ZNF236: variants seen among roughly 807,000 people sequenced by gnomAD.
ZNF236 encodes the protein regulated by glucose.
A neutral mutation model predicts 191.2 loss-of-function variants in ZNF236; 50 were observed. The ratio of observed to expected loss-of-function variants is 0.26; its 90% CI spans 0.21 to 0.33. ZNF236 has a LOEUF of 0.33. Among genes scored for constraint, ZNF236 ranks in the 10% least tolerant of loss-of-function variants. The probability of loss-of-function intolerance (pLI) is 1.00; values close to 1 mark genes in which losing one functional copy is unlikely to be tolerated. For missense variants in ZNF236, 1,754 were observed against 2,374.5 expected (o/e 0.74, Z 5.43); for synonymous variants, 907 against 928.8 (o/e 0.98, Z 0.43).
chr18:76,942,151 A>G (rs896648758), intron 26 of ZNF236, among the ~76,000 whole-genome samples: 6 of 152,248 alleles, frequency 3.9e-5, no homozygotes, highest in African/African-American at 1.4e-4. Flanking sequence ...TAAATGTCGA[A>G]TGATTTAATA....
chr18:76,928,033 C>G lies in ZNF236; in HGVS notation c.4521C>G (p.Val1507=), dbSNP rs1016958398. 1.2e-6 allele frequency: 2 copies of G among 1,614,006 alleles called. No individual in the cohort carries two copies. Among genetic ancestry groups the G allele is most frequent in the African/African-American group, 2.7e-5 (2 of 75,026 alleles). Residue 1507 remains valine (V), a synonymous_variant, in exon 25 of 31, where the codon GTC becomes GTG. Transcript: ENST00000320610. The part of the protein sequence containing the change: ...LTINNSSLSQ[V]LAQAAGPTAT... Reference sequence around the variant, plus strand: ...TTAACAACTCCAGCCTGAGCCAGGTCCTGGCACAGGCCGCTGGGCCCACTG... The same window carrying G: ...TTAACAACTCCAGCCTGAGCCAGGTGCTGGCACAGGCCGCTGGGCCCACTG...
At chr18:76,855,244 G>A (rs747902698) in intron 3 of ZNF236, among the ~76,000 whole-genome samples, 5 of 152,100 alleles carry the variant, frequency 3.3e-5, no homozygotes, top group South Asian at 2.1e-4. Context: ...CTTAAAAGCC[G>A]AAAATGTATT....
At chr18:76,932,455 C>A (rs1967881614) in intron 25 of ZNF236, among the ~76,000 whole-genome samples, 1 of 152,236 alleles carries the variant, frequency 6.6e-6, no homozygotes, top group Non-Finnish European at 1.5e-5. Flanking sequence ...AAGGATCAGG[C>A]AGTGTGTTCT....
At chr18:76,877,356 A>G (rs1463557492) in intron 6 of ZNF236, among the ~76,000 whole-genome samples, 1 of 152,032 alleles carries the variant, frequency 6.6e-6, no homozygotes, top group Non-Finnish European at 1.5e-5. Context: ...TAAAATACAA[A>G]AATTAGCTGG....
chr18:76,935,948 C>T (rs897585904), intron 25 of ZNF236: 4 of 456,378 alleles, frequency 8.8e-6, no homozygotes, highest in Non-Finnish European at 1.8e-5. Flanking sequence ...CTCGAGCCTC[C>T]CAGCCTGCTA....
At position 76,933,154 on chromosome 18, in the gene ZNF236, T is replaced by C. The variant is rs533979743; in HGVS notation, c.4595-4002T>C. On this transcript the variant is annotated intron_variant, in intron 25 of 30. Coordinates refer to ENST00000320610, the MANE Select transcript of ZNF236 (RefSeq NM_001306089.2). ...CTGATTTGCATTTTTTAAATTATTATTCTTTTAGACCTTTTTTTAAAGAGC... is the reference window on the plus strand; with the variant it reads ...CTGATTTGCATTTTTTAAATTATTACTCTTTTAGACCTTTTTTTAAAGAGC... Among the ~76,000 whole-genome samples, 8 of 152,332 alleles carry C rather than the reference T, an allele frequency of 5.3e-5. No homozygotes were observed. The South Asian group carries it at 1.7e-3, about 32-fold the overall frequency.
intron 3 of ZNF236, 71 bp from the exon 4 acceptor site, chr18:76,868,614 G>T: frequency 7.6e-7 from 1 of 1,316,820 alleles, no homozygotes. Context: ...ATTAACCGTT[G>T]ATCATACCAG....
In ZNF236 at chr18:76,908,377, C is replaced by G; in HGVS notation, c.2355C>G (p.Ser785Arg). ...AGCAGGCAGCCTCGATAGATGACAGCACTGTAGACCAGCAGAGCATGCAGG... is the reference window on the plus strand; with the variant it reads ...AGCAGGCAGCCTCGATAGATGACAGGACTGTAGACCAGCAGAGCATGCAGG... ...QHQQAASIDDSTVDQQSMQAS... is the reference protein window; with the variant it reads ...QHQQAASIDDRTVDQQSMQAS... Residue 785 changes from serine (S) to arginine (R), a missense_variant, in exon 14 of 31, where the codon AGC becomes AGG. This residue lies in a region of ZNF236 where 641 missense variants were observed against 869.6 expected (regional missense o/e 0.74). Transcript: ENST00000320610. 6.2e-7 allele frequency: 1 copy of G among 1,614,202 alleles called. No individual in the cohort carries two copies. The highest frequency in any genetic ancestry group is 1.1e-5 in the South Asian group (1 of 91,092).
intron 13 of ZNF236, among the ~76,000 whole-genome samples, chr18:76,906,672 A>C (rs932850680): frequency 5.3e-5 from 8 of 152,164 alleles, no homozygotes; most frequent in Non-Finnish European, 8.8e-5. Context: ...CAATGCTGTA[A>C]TTGCGGGGTC....
intron 5 of ZNF236, among the ~76,000 whole-genome samples, chr18:76,872,196 A>G (rs923802158): frequency 4.6e-5 from 7 of 152,200 alleles, no homozygotes; most frequent in Non-Finnish European, 5.9e-5. Flanking sequence ...CTAAATTAAC[A>G]AAGACCGGAT....
chr18:76,917,113 A>T (rs775054320), intron 19 of ZNF236, among the ~76,000 whole-genome samples: 1 of 152,208 alleles, frequency 6.6e-6, no homozygotes, highest in Non-Finnish European at 1.5e-5. Context: ...TTTAGTAGAT[A>T]ATTCTGGAAT....
rs779056757 is a variant in ZNF236 at position 76,927,976 on chromosome 18, C to A, written c.4464C>A (p.Pro1488=). 17 of 1,613,680 alleles carry A rather than the reference C, an allele frequency of 1.1e-5. No homozygotes were observed. In the South Asian group the frequency reaches 1.5e-4, roughly 15 times the overall value. Residue 1488 remains proline (P), a synonymous_variant, in exon 25 of 31, where the codon CCC becomes CCA. Coordinates refer to ENST00000320610, the MANE Select transcript of ZNF236 (RefSeq NM_001306089.2). This position sits in a 1 kb window ranked among gnomAD's most constrained non-coding sequence, Gnocchi z 5.4. ...QVMTSQGLVS[P]SGGPHEITLT... ...TGACTTCGCAAGGTCTAGTGTCCCC[C>A]TCCGGCGGTCCCCACGAGATCACCC...
Position 76,927,956 on chromosome 18 carries a change from T to G in ZNF236, c.4444T>G (p.Ser1482Ala), listed in dbSNP as rs1428776131. 10 of 1,609,974 alleles carry G rather than the reference T, an allele frequency of 6.2e-6. No individual in the cohort carries two copies. The highest frequency in any genetic ancestry group is 8.5e-6 in the Non-Finnish European group (10 of 1,178,048). ...CCAAGACCTCACTCAAGTGATGACT[T>G]CGCAAGGTCTAGTGTCCCCCTCCGG... ...GTQDLTQVMT[S>A]QGLVSPSGGP... is the part of the protein sequence containing the mutation. The change falls in exon 25 of 31, where the codon TCG becomes GCG. Residue 1482 changes from serine (S) to alanine (A), a missense_variant. This residue lies in a region of ZNF236 where 606 missense variants were observed against 761.5 expected (regional missense o/e 0.80). Transcript: ENST00000320610. This position sits in a 1 kb window ranked among gnomAD's most constrained non-coding sequence, Gnocchi z 5.4.
chr18:76,871,391 GT>G (rs1568205179), intron 4 of ZNF236, among the ~76,000 whole-genome samples: 1 of 152,146 alleles, frequency 6.6e-6, no homozygotes, highest in Non-Finnish European at 1.5e-5. Flanking sequence ...AATTATACCC[GT>G]AGCATCTTTG....
Position 76,895,398 on chromosome 18 carries a change from A to T in ZNF236, c.1690+113A>T, listed in dbSNP as rs1179287627. ...CACAGTAGGCACACAGGTACTGCAC[A>T]CAAGTACTGCTCACAGGGACTGCAC... On this transcript the variant is annotated intron_variant, in intron 10 of 30. Coordinates refer to ENST00000320610, the MANE Select transcript of ZNF236 (RefSeq NM_001306089.2). The T allele has an allele frequency of 3.6e-6, 5 of 1,402,182 alleles. No homozygotes were observed. In the Admixed American group the frequency reaches 9.7e-5, roughly 27 times the overall value. The allele number at this position is 1,402,182 out of a possible 1,614,324, so 86.9% of individuals were successfully genotyped here.
In ZNF236 at chr18:76,905,187, C is replaced by G. The variant is rs1005276797; in HGVS notation, c.2069C>G (p.Ser690Cys). ...SHTGEKPFKC[S>C]QCGRGFVSAG... ...ACAGGTGAAAAACCTTTTAAATGTT[C>G]TCAGTGTGGAAGAGGCTTTGTTTCT... is the stretch of plus-strand genomic sequence containing the variant. The change falls in exon 13 of 31, where the codon TCT becomes TGT. Residue 690 changes from serine (S) to cysteine (C), a missense_variant. Ser to Cys is a moderately radical substitution (Grantham distance 112, BLOSUM62 -1). This residue lies in a region of ZNF236 where 641 missense variants were observed against 869.6 expected (regional missense o/e 0.74). Transcript: ENST00000320610. 1 of 1,613,702 alleles carries G rather than the reference C, an allele frequency of 6.2e-7. No individual in the cohort carries two copies. Among genetic ancestry groups the G allele is most frequent in the African/African-American group, 1.3e-5 (1 of 74,870 alleles).
At chr18:76,831,981 A>G (rs939437231) in intron 1 of ZNF236, among the ~76,000 whole-genome samples, 7 of 152,222 alleles carry the variant, frequency 4.6e-5, no homozygotes, top group African/African-American at 1.4e-4. Flanking sequence ...CTTAATAACA[A>G]TTTGTCAGTC....
At chr18:76,836,954 C>A (rs1251439367) in intron 1 of ZNF236, among the ~76,000 whole-genome samples, 4 of 152,244 alleles carry the variant, frequency 2.6e-5, no homozygotes, top group African/African-American at 7.2e-5. Flanking sequence ...TGGCTCACTG[C>A]AACCTTTGAC....
At position 76,844,413 on chromosome 18, in the gene ZNF236, C is replaced by G. The variant is rs141171331; in HGVS notation, c.56-5113C>G. The stretch of plus-strand genomic sequence containing the variant: ...GGGTGCCTGGCCAGGGGGCTGTTGT[C>G]TTAGAGGAATAGGGGGTGACGGAGT... On this transcript the variant is annotated intron_variant, in intron 1 of 30. Transcript: ENST00000320610. Among the ~76,000 whole-genome samples, 1,009 of 152,070 alleles carry G rather than the reference C, an allele frequency of 6.6e-3. 9 individuals carry two copies. The highest frequency in any genetic ancestry group is 0.011 in the Non-Finnish European group (753 of 67,996).
Sources: gnomAD v4.1 joint callset for allele counts (sites outside exome capture counted in the v4.1 genomes callset) on GRCh38, gnomAD v4.1.1 for gene constraint, gnomAD v4.1.1 regional missense constraint, Gnocchi (gnomAD v3.1) non-coding constraint, MANE v1.5 for transcripts, NCBI Gene and HGNC (gene_info 2026-07-23, HGNC 2026-07-21) for gene names.